Variants in RBFOX1 observed in about 807,000 individuals in gnomAD.
RBFOX1 encodes the protein RNA binding fox-1 homolog 1, also known as RNA binding protein fox-1 homolog 1.
RBFOX1 carries 8 observed loss-of-function variants against 57.7 expected under a neutral mutation model. That is an observed-to-expected ratio of 0.14 (90% CI 0.08 to 0.25). The LOEUF is 0.25. RBFOX1 is among the 10% of genes least tolerant of loss of function. The probability of loss-of-function intolerance (pLI) is 1.00; values close to 1 mark genes in which losing one functional copy is unlikely to be tolerated. For synonymous variants in RBFOX1, 326 were observed against 222.4 expected (o/e 1.47, Z -4.15); for missense variants, 611 against 548.5 (o/e 1.11, Z -1.14).
rs145185740 is a variant in RBFOX1, at chr16:6,415,865, A to T, written c.-64+98808A>T. On this transcript the variant is annotated intron_variant, in intron 2 of 15. Transcript: ENST00000550418. ...TTCGAAGTCTCTATCGGTGTGAAAA[A>T]TAAGAAACATTTTCTGCAGATGGGT... 1.7e-3 allele frequency among the ~76,000 whole-genome samples: 260 copies of T among 152,328 alleles called. 4 individuals are homozygous for T. In the East Asian group the frequency reaches 0.042, roughly 25 times the overall value.
chr16:6,076,968 C>G (rs1272220416), intron 1 of RBFOX1, among the ~76,000 whole-genome samples: 1 of 152,214 alleles, frequency 6.6e-6, no homozygotes, highest in Non-Finnish European at 1.5e-5. Flanking sequence ...GTGCTAGAAT[C>G]TGGAGGATCA....
chr16:6,871,401 G>C (rs1272519312), intron 3 of RBFOX1, among the ~76,000 whole-genome samples: 1 of 152,064 alleles, frequency 6.6e-6, no homozygotes, highest in African/African-American at 2.4e-5. Flanking sequence ...GGCCAGGCTG[G>C]TCTCAAACTC....
intron 3 of RBFOX1, among the ~76,000 whole-genome samples, chr16:5,852,751 G>T (rs141186513): frequency 4.6e-5 from 7 of 152,104 alleles, no homozygotes; most frequent in Non-Finnish European, 7.4e-5. Context: ...GATCACTTGA[G>T]CCCAGGAGTT....
At chr16:6,626,823 G>A (rs984719416) in intron 2 of RBFOX1, among the ~76,000 whole-genome samples, 2 of 152,096 alleles carry the variant, frequency 1.3e-5, no homozygotes, top group African/African-American at 4.8e-5. Context: ...TTTATCACCA[G>A]TGAGGCTGTG....
intron 4 of RBFOX1, among the ~76,000 whole-genome samples, chr16:5,954,965 G>C (rs2059594060): frequency 6.6e-6 from 1 of 151,438 alleles, no homozygotes; most frequent in African/African-American, 2.4e-5. Flanking sequence ...GCAAATACTT[G>C]ATGAGGCAGC....
intron 2 of RBFOX1, among the ~76,000 whole-genome samples, chr16:5,498,278 G>T (rs2043070396): frequency 1.3e-5 from 2 of 152,224 alleles, no homozygotes; most frequent in Middle Eastern, 6.8e-3. Context: ...AACGAACTGG[G>T]ATTACAAGCA....
chr16:5,336,365 G>A (rs761760711), intron 1 of RBFOX1, among the ~76,000 whole-genome samples: 1 of 152,176 alleles, frequency 6.6e-6, no homozygotes, highest in Non-Finnish European at 1.5e-5. Flanking sequence ...CACTGGGCAA[G>A]CTGGCACCCC....
At position 6,837,361 on chromosome 16, in the gene RBFOX1, A is replaced by G. The variant is rs1382772388; in HGVS notation, c.-16+182711A>G. ...GACTCTGATAAGGAAGTGGAGTCAG[A>G]GTTCTTGGGTTCTCCGCAATGGTAG... On this transcript the variant is annotated intron_variant, in intron 3 of 15. Coordinates refer to ENST00000550418, the MANE Select transcript of RBFOX1 (RefSeq NM_018723.4). Among the ~76,000 whole-genome samples, 4 of 152,288 alleles carry G rather than the reference A, an allele frequency of 2.6e-5. No individual in the cohort carries two copies. In the East Asian group the frequency reaches 7.7e-4, roughly 29 times the overall value.
intron 3 of RBFOX1, among the ~76,000 whole-genome samples, chr16:5,856,187 C>G (rs572908044): frequency 3.2e-5 from 1 of 31,064 alleles, no homozygotes; most frequent in African/African-American, 1.4e-4. Flanking sequence ...CTCTCTCTCT[C>G]TATATATATA....
intron 4 of RBFOX1, among the ~76,000 whole-genome samples, chr16:7,072,989 C>G (rs114939359): frequency 0.01 from 1,541 of 152,300 alleles, 30 homozygotes; most frequent in African/African-American, 0.035. Flanking sequence ...GAATAAGCCA[C>G]TTATGTGCAG....
chr16:7,254,744 C>T (rs571488422), intron 4 of RBFOX1, among the ~76,000 whole-genome samples: 2 of 152,208 alleles, frequency 1.3e-5, no homozygotes, highest in East Asian at 1.9e-4. Context: ...AAATTATAGG[C>T]ATTACGTCTC....
intron 3 of RBFOX1, among the ~76,000 whole-genome samples, chr16:6,695,192 G>C (rs892705650): frequency 2.6e-5 from 4 of 152,216 alleles, no homozygotes; most frequent in African/African-American, 9.6e-5. Context: ...GGCCAAGGCG[G>C]TTGGGTCGCC....
intron 3 of RBFOX1, among the ~76,000 whole-genome samples, chr16:6,716,549 C>T (rs971278716): frequency 6.6e-6 from 1 of 152,372 alleles, no homozygotes; most frequent in South Asian, 2.1e-4. Context: ...AGAACTTACT[C>T]TTCCATCTTC....
intron 3 of RBFOX1, among the ~76,000 whole-genome samples, chr16:5,864,999 T>C (rs750730255): frequency 6.6e-6 from 1 of 152,170 alleles, no homozygotes; most frequent in Non-Finnish European, 1.5e-5. Flanking sequence ...TGTATTTCCC[T>C]ATGGTAGATG....
intron 4 of RBFOX1, among the ~76,000 whole-genome samples, chr16:6,005,253 C>G (rs975124732): frequency 6.6e-6 from 1 of 152,186 alleles, no homozygotes; most frequent in Non-Finnish European, 1.5e-5. Flanking sequence ...TTTTCTAATA[C>G]AATAGCCATT....
chr16:5,673,935 G>C (rs779040380), intron 3 of RBFOX1, among the ~76,000 whole-genome samples: 3 of 152,220 alleles, frequency 2.0e-5, no homozygotes, highest in African/African-American at 2.4e-5. Flanking sequence ...CCGAAAGGGG[G>C]AATGAGGAAG....
intron 4 of RBFOX1, among the ~76,000 whole-genome samples, chr16:7,143,007 G>C (rs916559439): frequency 1.3e-5 from 2 of 151,904 alleles, no homozygotes; most frequent in African/African-American, 4.8e-5. Context: ...GGGTGGTTGA[G>C]AGTGCTTTAG....
intron 2 of RBFOX1, among the ~76,000 whole-genome samples, chr16:6,604,091 T>C (rs2097892528): frequency 6.6e-6 from 1 of 152,072 alleles, no homozygotes; most frequent in South Asian, 2.1e-4. Context: ...TTTTGGTTCC[T>C]TCCTCTACCC....
At chr16:7,467,313 G>A (rs1211584851) in intron 4 of RBFOX1, among the ~76,000 whole-genome samples, 1 of 152,230 alleles carries the variant, frequency 6.6e-6, no homozygotes, top group Non-Finnish European at 1.5e-5. Flanking sequence ...GTTGCAGGGG[G>A]TCTCATACAT....
Sources: allele counts gnomAD v4.1 joint callset (sites outside exome capture counted in the v4.1 genomes callset), GRCh38; gene constraint gnomAD v4.1.1; transcripts MANE v1.5; gene names NCBI Gene and HGNC (gene_info 2026-07-23, HGNC 2026-07-21).